ADGRV1: variants seen among roughly 807,000 people sequenced by gnomAD.
The protein encoded by ADGRV1 is adhesion G protein-coupled receptor V1.
In ADGRV1, 359 loss-of-function variants were observed where a neutral mutation model predicts 596.2. The observed-to-expected ratio is 0.60, with a 90% CI of 0.55 to 0.66. The LOEUF (loss-of-function observed/expected upper bound fraction) is 0.66. ADGRV1 is among the 30% of genes least tolerant of loss of function. The probability of loss-of-function intolerance (pLI) is 0.00; values close to 1 mark genes in which losing one functional copy is unlikely to be tolerated. For synonymous variants in ADGRV1, 2,681 were observed against 2,679.2 expected (o/e 1.00, Z -0.02); for missense variants, 7,274 against 7,575.6 (o/e 0.96, Z 1.48).
chr5:90,936,963 C>T (rs1045191264), intron 83 of ADGRV1, among the ~76,000 whole-genome samples: 1 of 152,090 alleles, frequency 6.6e-6, no homozygotes, highest in Non-Finnish European at 1.5e-5. Flanking sequence ...TAGGTTAATA[C>T]TTATACTTCC....
chr5:91,080,919 C>T (rs1205787080), intron 86 of ADGRV1, among the ~76,000 whole-genome samples: 1 of 152,118 alleles, frequency 6.6e-6, no homozygotes, highest in Non-Finnish European at 1.5e-5. Flanking sequence ...TATGTAACTC[C>T]TTTCTTCTCT....
At position 90,628,672 on chromosome 5, in the gene ADGRV1, GA is replaced by G. The variant is rs1561415191; in HGVS notation, c.1350del (p.Arg450SerfsTer49). ...TDPSPVTADI[R>X]PSSGVLHFAQ... ...CCCTCACCAGTAACAGCAGATATCAGACCGAGCTCTGGAGTTCTCCATTTTG... is the reference window on the plus strand; with the variant it reads ...CCCTCACCAGTAACAGCAGATATCAGCCGAGCTCTGGAGTTCTCCATTTTG... On this transcript the variant is annotated frameshift_variant, in exon 8 of 90. Coordinates refer to ENST00000405460, the MANE Select transcript of ADGRV1 (RefSeq NM_032119.4). LOFTEE classifies it high-confidence loss of function. 1 of 1,614,042 alleles carries G rather than the reference GA, an allele frequency of 6.2e-7. No homozygotes were observed. The highest frequency in any genetic ancestry group is 1.3e-5 in the African/African-American group (1 of 75,064).
rs41304888 is a variant in ADGRV1 at position 90,788,380 on chromosome 5, G to A, written c.13893+70G>A. On this transcript the variant is annotated intron_variant, in intron 68 of 89. Coordinates refer to ENST00000405460, the MANE Select transcript of ADGRV1 (RefSeq NM_032119.4). ...TTTATCAGAAAATACATTTACATTT[G>A]TTGAAACTCTATAAGCTTGTGATAA... 8.8e-6 allele frequency: 12 copies of A among 1,366,704 alleles called. 1 individual carries two copies. Among genetic ancestry groups the A allele is most frequent in the African/African-American group, 1.4e-5 (1 of 69,202 alleles). The allele number at this position is 1,366,704 out of a possible 1,614,324, so 84.7% of individuals were successfully genotyped here.
intron 43 of ADGRV1, chr5:90,717,432 T>TA (rs386404419): frequency 1.7e-3 from 1 of 588 alleles, no homozygotes; most frequent in East Asian, 0.02. Context: ...GCAAATGTGA[T>TA]TTTTTTTTTT....
chr5:90,979,279 C>T (rs1779892626), intron 84 of ADGRV1, among the ~76,000 whole-genome samples: 1 of 151,936 alleles, frequency 6.6e-6, no homozygotes, highest in Non-Finnish European at 1.5e-5. Context: ...AGCAATCCTC[C>T]GCCTTATCCT....
intron 83 of ADGRV1, among the ~76,000 whole-genome samples, chr5:90,946,266 C>CAAGGGG (rs1377444356): frequency 2.0e-5 from 3 of 151,962 alleles, no homozygotes; most frequent in Non-Finnish European, 4.4e-5. Flanking sequence ...GATGAGGTGA[C>CAAGGGG]AGAGTAGATA....
rs1316802857 is a variant in ADGRV1, at chr5:90,689,917, A to G, written c.6547A>G (p.Lys2183Glu). Residue 2183 changes from lysine to glutamate, a missense_variant, in exon 30 of 90, where the codon AAA becomes GAA. By Grantham distance (56) the Lys-to-Glu change is moderately conservative (BLOSUM62 1). Around this residue, in one of 5 missense-constraint regions of ADGRV1, gnomAD observed 3,643 missense variants for 3,809.2 expected, o/e 0.96. Coordinates refer to ENST00000405460, the MANE Select transcript of ADGRV1 (RefSeq NM_032119.4). ...GGTCTTGCTAGAAGGGGAAACCAGT[A>G]AAGCCGTGCCAATATATGTCATTAA... ...DVVLLEGETSKAVPIYVINDI... is the reference protein window; with the variant it reads ...DVVLLEGETSEAVPIYVINDI... The G allele has an allele frequency of 6.2e-7, 1 of 1,613,406 alleles. No homozygotes were observed. The highest frequency in any genetic ancestry group is 1.7e-5 in the Admixed American group (1 of 59,978).
intron 27 of ADGRV1, among the ~76,000 whole-genome samples, chr5:90,682,599 A>G (rs953986607): frequency 6.6e-6 from 1 of 152,208 alleles, no homozygotes; most frequent in Non-Finnish European, 1.5e-5. Context: ...TCACTCAAAC[A>G]TATCCTTCTG....
At chr5:90,614,675 C>T (rs199944277) in intron 1 of ADGRV1, 160 bp from the exon 2 acceptor site, 22 of 688,742 alleles carry the variant, frequency 3.2e-5, no homozygotes, top group Middle Eastern at 2.4e-4. Context: ...TAACTTCTGT[C>T]GTCACATATT....
chr5:91,081,079 A>C (rs1789326332), intron 86 of ADGRV1, among the ~76,000 whole-genome samples: 1 of 152,250 alleles, frequency 6.6e-6, no homozygotes, highest in African/African-American at 2.4e-5. Flanking sequence ...TGGAAGTCCA[A>C]GATCAAGGCG....
intron 50 of ADGRV1, among the ~76,000 whole-genome samples, chr5:90,744,656 T>C (rs1328819033): frequency 6.6e-6 from 1 of 152,172 alleles, no homozygotes; most frequent in East Asian, 1.9e-4. Context: ...CAATTATGAA[T>C]TCATATGAAT....
chr5:90,644,966 A>T (rs1767527184), intron 15 of ADGRV1, 97 bp downstream of exon 15: 1 of 897,900 alleles, frequency 1.1e-6, no homozygotes, highest in Non-Finnish European at 1.6e-6. Context: ...ATTTTGTGAT[A>T]AAAGTTTGTA....
At chr5:90,930,844 G>A (rs1015323041) in intron 83 of ADGRV1, among the ~76,000 whole-genome samples, 3 of 152,076 alleles carry the variant, frequency 2.0e-5, no homozygotes, top group African/African-American at 7.2e-5. Flanking sequence ...GCATAATATA[G>A]AATATCCAAT....
At chr5:90,644,558 G>A in intron 14 of ADGRV1, 148 bp from the exon 15 acceptor site, 1 of 605,646 alleles carries the variant, frequency 1.7e-6, no homozygotes, top group African/African-American at 1.9e-5. Context: ...ATTTTTATAT[G>A]TACCTTAAAA....
In ADGRV1 at chr5:90,673,048, C is replaced by A. The variant is rs533448522; in HGVS notation, c.4929+326C>A. Among the ~76,000 whole-genome samples the A allele has an allele frequency of 2.6e-5, 4 of 152,288 alleles. No homozygotes were observed. The East Asian group carries it at 7.7e-4, about 29-fold the overall frequency. ...CCCCAGCATACTGCATATGTCAAAA[C>A]ATGTTTGTTTAATTAATAAGAAAGG... On this transcript the variant is annotated intron_variant, in intron 22 of 89. Coordinates refer to ENST00000405460, the MANE Select transcript of ADGRV1 (RefSeq NM_032119.4).
intron 86 of ADGRV1, among the ~76,000 whole-genome samples, chr5:91,097,099 G>C (rs563181825): frequency 1.1e-4 from 16 of 152,312 alleles, no homozygotes; most frequent in Admixed American, 5.2e-4. Flanking sequence ...GAATACCCTA[G>C]AGCAGGTAGC....
At chr5:90,572,117 A>G (rs1383778726) in intron 1 of ADGRV1, among the ~76,000 whole-genome samples, 1 of 152,148 alleles carries the variant, frequency 6.6e-6, no homozygotes, top group Admixed American at 6.5e-5. Flanking sequence ...TTTTTGAACT[A>G]CAGACTGATA....
Position 90,705,494 on chromosome 5 carries a change from T to C in ADGRV1, c.8481T>C (p.Asn2827=). 6.2e-7 allele frequency: 1 copy of C among 1,613,908 alleles called. No individual in the cohort carries two copies. The highest frequency in any genetic ancestry group is 8.5e-7 in the Non-Finnish European group (1 of 1,179,822). Reference sequence around the variant, plus strand: ...GTGATGAACCACATGGAGTTTTAAATTTTGCTCTTTCATCAAGATTTGTGT... The same window carrying C: ...GTGATGAACCACATGGAGTTTTAAACTTTGCTCTTTCATCAAGATTTGTGT... ...EASDEPHGVL[N]FALSSRFVLL... Residue 2827 remains asparagine (N), a synonymous_variant, in exon 37 of 90, where the codon AAT becomes AAC. Coordinates refer to ENST00000405460, the MANE Select transcript of ADGRV1 (RefSeq NM_032119.4).
At chr5:90,930,677 T>C (rs972753653) in intron 83 of ADGRV1, among the ~76,000 whole-genome samples, 2 of 152,202 alleles carry the variant, frequency 1.3e-5, no homozygotes. Context: ...GCAGAAACTA[T>C]AATCCTCCTT....
Sources: gnomAD v4.1 joint callset for allele counts (sites outside exome capture counted in the v4.1 genomes callset) on GRCh38, gnomAD v4.1.1 for gene constraint, gnomAD v4.1.1 regional missense constraint, MANE v1.5 for transcripts, NCBI Gene and HGNC (gene_info 2026-07-23, HGNC 2026-07-21) for gene names.